The following HCN1 variants were observed in gnomAD, a reference collection of about 807,000 sequenced individuals.
HCN1 encodes the protein hyperpolarization activated cyclic nucleotide gated potassium channel 1, also known as potassium/sodium hyperpolarization-activated cyclic nucleotide-gated channel 1.
A neutral mutation model predicts 78.9 loss-of-function variants in HCN1; 13 were observed. The ratio of observed to expected loss-of-function variants is 0.16; its 90% CI spans 0.11 to 0.26. The LOEUF (loss-of-function observed/expected upper bound fraction) is 0.26. HCN1 is among the 10% of genes least tolerant of loss of function. The pLI is 1.00. For synonymous variants in HCN1, 552 were observed against 455.5 expected (o/e 1.21, Z -2.70); for missense variants, 810 against 1,154.3 (o/e 0.70, Z 4.32).
At position 45,256,444 on chromosome 5, in the gene HCN1, A is replaced by C. The variant is rs1744616385; in HGVS notation, c.*5477T>G. ...ATTGATGTTACATTAGAAATATAAT[A>C]GCTCCAAAGAATGTTCACCTTTGCC... On this transcript the variant is annotated 3_prime_UTR_variant, in exon 8 of 8. Coordinates refer to ENST00000303230, the MANE Select transcript of HCN1 (RefSeq NM_021072.4). 6.6e-6 allele frequency: 1 copy of C among 151,852 alleles called. No individual in the cohort carries two copies. Among genetic ancestry groups the C allele is most frequent in the Non-Finnish European group, 1.5e-5 (1 of 67,980 alleles). The allele number at this position is 151,852 out of a possible 1,614,324, so 9.4% of individuals were successfully genotyped here.
chr5:45,307,709 AT>A (rs1353978318), intron 5 of HCN1, among the ~76,000 whole-genome samples: 1 of 152,150 alleles, frequency 6.6e-6, no homozygotes, highest in Non-Finnish European at 1.5e-5. Context: ...CTAAGGAGAC[AT>A]GACAAGTGAC....
intron 6 of HCN1, among the ~76,000 whole-genome samples, chr5:45,281,739 C>T (rs1342216412): frequency 2.0e-5 from 3 of 151,646 alleles, no homozygotes; most frequent in African/African-American, 2.4e-5. Context: ...AGGTGCCCGC[C>T]ACCACGCCCG....
Position 45,258,846 on chromosome 5 carries a change from G to A in HCN1, c.*3075C>T, listed in dbSNP as rs1250951915. ...AAAACTATTATAACAAAATAGGTATGTCATAGAACTATTATAACAAAATAG... is the reference window on the plus strand; with the variant it reads ...AAAACTATTATAACAAAATAGGTATATCATAGAACTATTATAACAAAATAG... On this transcript the variant is annotated 3_prime_UTR_variant, in exon 8 of 8. Transcript: ENST00000303230. 1 of 151,912 alleles carries A rather than the reference G, an allele frequency of 6.6e-6. No homozygotes were observed. The highest frequency in any genetic ancestry group is 2.4e-5 in the African/African-American group (1 of 41,386). 9.4% of individuals were successfully genotyped at this position (151,912 alleles called of 1,614,324 possible). A position where few individuals can be genotyped will look rare whatever the true frequency, so the allele number is the denominator to read the frequency against.
At chr5:45,508,055 C>A (rs1478544184) in intron 2 of HCN1, among the ~76,000 whole-genome samples, 1 of 151,872 alleles carries the variant, frequency 6.6e-6, no homozygotes, top group East Asian at 1.9e-4. Context: ...AGGCAACTTA[C>A]CATAAACAAA....
chr5:45,487,520 T>G (rs1301089817), intron 2 of HCN1, among the ~76,000 whole-genome samples: 1 of 151,006 alleles, frequency 6.6e-6, no homozygotes, highest in African/African-American at 2.4e-5. Context: ...CTAGGCCATT[T>G]CAAAATTAAA....
chr5:45,393,986 A>G (rs1367562296), intron 4 of HCN1, among the ~76,000 whole-genome samples: 1 of 152,156 alleles, frequency 6.6e-6, no homozygotes, highest in Non-Finnish European at 1.5e-5. Flanking sequence ...TAGTGAATAC[A>G]TTCCTTTTGA....
At chr5:45,561,545 C>T (rs1743602932) in intron 2 of HCN1, among the ~76,000 whole-genome samples, 1 of 151,164 alleles carries the variant, frequency 6.6e-6, no homozygotes, top group Admixed American at 6.6e-5. Context: ...TTATATTTAA[C>T]ATTGCATAGA....
chr5:45,262,872 TGA>T, intron 7 of HCN1, 62 bp from the exon 8 acceptor site: 1 of 1,566,520 alleles, frequency 6.4e-7, no homozygotes, highest in Non-Finnish European at 8.7e-7. Context: ...CAACGCCAAG[TGA>T]GAGTGGCTCC....
At chr5:45,657,950 A>C (rs1745809246) in intron 1 of HCN1, among the ~76,000 whole-genome samples, 1 of 152,238 alleles carries the variant, frequency 6.6e-6, no homozygotes, top group Admixed American at 6.5e-5. Flanking sequence ...CTAAGCCAAA[A>C]GAACAAAGCC....
chr5:45,283,581 C>T (rs1411764212), intron 6 of HCN1, among the ~76,000 whole-genome samples: 1 of 151,936 alleles, frequency 6.6e-6, no homozygotes, highest in Non-Finnish European at 1.5e-5. Context: ...CAAATCAAAA[C>T]CATAATGAGA....
At chr5:45,286,478 TA>T (rs1442253736) in intron 6 of HCN1, among the ~76,000 whole-genome samples, 1 of 152,004 alleles carries the variant, frequency 6.6e-6, no homozygotes. Context: ...TGTACTGAAT[TA>T]ATAAGTCCAC....
At chr5:45,522,844 T>C (rs1442767396) in intron 2 of HCN1, among the ~76,000 whole-genome samples, 1 of 151,878 alleles carries the variant, frequency 6.6e-6, no homozygotes. Context: ...TCACATCTTT[T>C]TTTTTCCTTT....
intron 2 of HCN1, among the ~76,000 whole-genome samples, chr5:45,520,108 ATATG>A (rs1331098538): frequency 6.6e-6 from 1 of 152,042 alleles, no homozygotes; most frequent in African/African-American, 2.4e-5. Context: ...AGCAGTTCAC[ATATG>A]TGTGCTTAGG....
At chr5:45,428,856 T>C (rs1695585979) in intron 3 of HCN1, among the ~76,000 whole-genome samples, 1 of 151,998 alleles carries the variant, frequency 6.6e-6, no homozygotes, top group South Asian at 2.1e-4. Flanking sequence ...TAATGTACTA[T>C]ATATATTATA....
intron 5 of HCN1, among the ~76,000 whole-genome samples, chr5:45,326,128 T>A (rs994650404): frequency 1.3e-5 from 2 of 151,558 alleles, no homozygotes; most frequent in East Asian, 3.9e-4. Context: ...ACCACGCATT[T>A]TCCTTAAAAA....
rs936362488 is a variant in HCN1 at position 45,387,563 on chromosome 5, G to A, written c.1230+8929C>T. ...TCATTACTCCTGGTAAATAAGACAC[G>A]GTGTATAAGATGCATTCTAGATAAT... On this transcript the variant is annotated intron_variant, in intron 4 of 7. Transcript: ENST00000303230. 4.0e-5 allele frequency among the ~76,000 whole-genome samples: 6 copies of A among 151,670 alleles called. No individual in the cohort carries two copies. The East Asian group carries it at 1.2e-3, about 29-fold the overall frequency.
chr5:45,695,836 C>A lies in HCN1; in HGVS notation c.258G>T (p.Gly86=). The change falls in exon 1 of 8, where the codon GGG becomes GGT. Residue 86 remains glycine, a synonymous_variant. Coordinates refer to ENST00000303230, the MANE Select transcript of HCN1 (RefSeq NM_021072.4). The stretch of plus-strand genomic sequence containing the variant: ...GCATGAAGCCGTACTGCCGCCGGGG[C>A]CCCTCGGCGTCTTCGAAGCCCCCCG... ...EPAGGFEDAE[G]PRRQYGFMQR... 2 of 1,602,080 alleles carry A rather than the reference C, an allele frequency of 1.2e-6. No homozygotes were observed. Among genetic ancestry groups the A allele is most frequent in the South Asian group, 2.2e-5 (2 of 90,456 alleles).
chr5:45,351,507 A>G (rs1302750460), intron 5 of HCN1, among the ~76,000 whole-genome samples: 1 of 107,818 alleles, frequency 9.3e-6, no homozygotes, highest in Non-Finnish European at 1.7e-5. Flanking sequence ...AATGGCAACA[A>G]AAGACAAAAT....
At chr5:45,485,422 G>A (rs1741736682) in intron 2 of HCN1, among the ~76,000 whole-genome samples, 1 of 151,962 alleles carries the variant, frequency 6.6e-6, no homozygotes. Flanking sequence ...CCCAAAATGT[G>A]AAAGTACAAA....
Sources: gnomAD v4.1 joint callset for allele counts (sites outside exome capture counted in the v4.1 genomes callset) on GRCh38, gnomAD v4.1.1 for gene constraint, MANE v1.5 for transcripts, NCBI Gene and HGNC (gene_info 2026-07-23, HGNC 2026-07-21) for gene names.